Variants in EIF2B5 observed in about 807,000 individuals in gnomAD.
EIF2B5 encodes the protein eukaryotic translation initiation factor 2B subunit epsilon.
Under a neutral mutation model 87.3 loss-of-function variants are expected in EIF2B5, and 38 were observed. The observed-to-expected ratio is 0.44, with a 90% CI of 0.34 to 0.57. The LOEUF (loss-of-function observed/expected upper bound fraction) is 0.57. Among genes scored for constraint, EIF2B5 ranks in the 20% least tolerant of loss-of-function variants. The probability of loss-of-function intolerance (pLI) is 0.02; values close to 1 mark genes in which losing one functional copy is unlikely to be tolerated. For missense variants in EIF2B5, 784 were observed against 909.5 expected (o/e 0.86, Z 1.78); for synonymous variants, 313 against 339.6 (o/e 0.92, Z 0.86).
intron 6 of EIF2B5, 42 bp downstream of exon 6, chr3:184,140,199 G>A (rs1713562307): frequency 6.4e-7 from 1 of 1,571,748 alleles, no homozygotes; most frequent in East Asian, 2.2e-5. Context: ...GAGAGGAGAA[G>A]GCTATGATTG....
chr3:184,141,759 C>A (rs1192901696), intron 7 of EIF2B5, among the ~76,000 whole-genome samples, 166 bp from the exon 8 acceptor site: 1 of 152,042 alleles, frequency 6.6e-6, no homozygotes, highest in Non-Finnish European at 1.5e-5. Context: ...AGTATCTTCT[C>A]AGGCCTGGGC....
At chr3:184,143,257 AC>A in intron 12 of EIF2B5, 115 bp downstream of exon 12, 1 of 1,465,950 alleles carries the variant, frequency 6.8e-7, no homozygotes, top group Non-Finnish European at 9.4e-7. Flanking sequence ...AAATGGAAAG[AC>A]CAGTAGTATT....
chr3:184,135,861 C>A, intron 1 of EIF2B5: 2 of 543,674 alleles, frequency 3.7e-6, no homozygotes, highest in East Asian at 6.4e-5. Flanking sequence ...CGCGGGGATT[C>A]AGTGCCCCTA....
intron 2 of EIF2B5, chr3:184,137,374 G>C: frequency 1.8e-6 from 1 of 561,884 alleles, no homozygotes. Flanking sequence ...TGATGTTTAG[G>C]GACAAGGGGT....
At chr3:184,138,581 C>T (rs939874366) in intron 5 of EIF2B5, among the ~76,000 whole-genome samples, 2 of 152,094 alleles carry the variant, frequency 1.3e-5, no homozygotes, top group Admixed American at 6.5e-5. Flanking sequence ...TCTCGAACTC[C>T]TGGTCTCAAG....
At chr3:184,144,284 C>T in intron 14 of EIF2B5, 60 bp downstream of exon 14, 1 of 1,609,806 alleles carries the variant, frequency 6.2e-7, no homozygotes, top group Non-Finnish European at 8.5e-7. Context: ...GTTGGTGACC[C>T]CCTTGGGAGA....
At chr3:184,141,434 T>C (rs1713629502) in intron 7 of EIF2B5, among the ~76,000 whole-genome samples, 1 of 152,176 alleles carries the variant, frequency 6.6e-6, no homozygotes, top group Non-Finnish European at 1.5e-5. Context: ...CTGGGCATGA[T>C]GGCGCGTGCC....
intron 7 of EIF2B5, chr3:184,141,041 T>C (rs1196306940): frequency 2.5e-6 from 1 of 407,588 alleles, no homozygotes; most frequent in African/African-American, 2.0e-5. Flanking sequence ...AGGGCTTTTA[T>C]ATACATTGTT....
intron 1 of EIF2B5, chr3:184,136,084 G>T (rs1318463845): frequency 4.5e-6 from 1 of 220,648 alleles, no homozygotes; most frequent in African/African-American, 2.3e-5. Flanking sequence ...ATCAGCCCCC[G>T]AGTTGTCTAG....
In EIF2B5 at chr3:184,142,150, C is replaced by G; in HGVS notation, c.1302+80C>G. 1 of 1,613,834 alleles carries G rather than the reference C, an allele frequency of 6.2e-7. No individual in the cohort carries two copies. Among genetic ancestry groups the G allele is most frequent in the East Asian group, 2.2e-5 (1 of 44,884 alleles). On this transcript the variant is annotated intron_variant, in intron 8 of 15. Coordinates refer to ENST00000648915, the MANE Select transcript of EIF2B5 (RefSeq NM_003907.3). This position sits in a 1 kb window ranked among gnomAD's most constrained non-coding sequence, Gnocchi z 5.0. ...AGCCAGAAGGGGCATTATTTCCACC[C>G]ATAATCCTGTCTAAAAAAGTTGCTC...
Position 184,135,413 on chromosome 3 carries a change from G to T in EIF2B5, c.28G>T (p.Gly10Cys). The change falls in exon 1 of 16, where the codon GGT becomes TGT. Residue 10 changes from glycine (G) to cysteine (C), a missense_variant. Around this residue, in one of 3 missense-constraint regions of EIF2B5, gnomAD observed 117 missense variants for 101.0 expected, o/e 1.16. Coordinates refer to ENST00000648915, the MANE Select transcript of EIF2B5 (RefSeq NM_003907.3). ...GGCGGCCCCTGTAGTGGCGCCGCCT[G>T]GTGTGGTGGTTAGTCGGGCTAACAA... MAAPVVAPP[G>C]VVVSRANKRS... 1.3e-6 allele frequency: 2 copies of T among 1,582,066 alleles called. No individual in the cohort carries two copies. The highest frequency in any genetic ancestry group is 1.7e-6 in the Non-Finnish European group (2 of 1,165,652).
intron 5 of EIF2B5, among the ~76,000 whole-genome samples, chr3:184,139,580 CTT>C (rs752302833): frequency 5.0e-5 from 7 of 140,530 alleles, no homozygotes; most frequent in Admixed American, 7.2e-5. Context: ...TGCACCTGGC[CTT>C]TTTTTTTTTT....
At chr3:184,143,880 T>C in intron 13 of EIF2B5, 1 of 765,334 alleles carries the variant, frequency 1.3e-6, no homozygotes, top group East Asian at 2.5e-5. Context: ...GGAATAGGTA[T>C]TTTGAGGCAG....
In EIF2B5 at chr3:184,142,863, C is replaced by T; in HGVS notation, c.1631C>T (p.Ser544Phe). ...GAGGAGCCGGACAGCCGGGGAGGCT[C>T]CCCTCAGATGGATGACATCAAAGGT... The part of the protein sequence containing the change: ...DSEEPDSRGG[S>F]PQMDDIKVFQ... Residue 544 changes from serine (S) to phenylalanine (F), a missense_variant, in exon 11 of 16, where the codon TCC (serine) becomes TTC (phenylalanine). This residue lies in a region of EIF2B5 where 660 missense variants were observed against 789.5 expected (regional missense o/e 0.84). Transcript: ENST00000648915. The surrounding 1 kb of genome is among the most constrained non-coding windows in gnomAD (Gnocchi z 5.0). 1 of 1,613,878 alleles carries T rather than the reference C, an allele frequency of 6.2e-7. No homozygotes were observed. Among genetic ancestry groups the T allele is most frequent in the Non-Finnish European group, 8.5e-7 (1 of 1,179,948 alleles).
At chr3:184,140,205 G>A in intron 6 of EIF2B5, 48 bp downstream of exon 6, 2 of 1,562,906 alleles carry the variant, frequency 1.3e-6, no homozygotes, top group Non-Finnish European at 1.8e-6. Context: ...AGAAGGCTAT[G>A]ATTGTATCTC....
At chr3:184,136,289 G>A (rs1011956661) in intron 1 of EIF2B5, among the ~76,000 whole-genome samples, 1 of 152,220 alleles carries the variant, frequency 6.6e-6, no homozygotes, top group Non-Finnish European at 1.5e-5. Context: ...GGGGAAGAAG[G>A]CCTTAGCAAT....
At chr3:184,144,322 G>A in intron 14 of EIF2B5, 98 bp downstream of exon 14, 1 of 1,570,312 alleles carries the variant, frequency 6.4e-7, no homozygotes. Context: ...TGTGAATCCA[G>A]TATGGACCAT....
At chr3:184,137,550 GA>G in intron 2 of EIF2B5, 69 bp from the exon 3 acceptor site, 2 of 1,542,304 alleles carry the variant, frequency 1.3e-6, no homozygotes, top group Non-Finnish European at 1.8e-6. Context: ...GAAAGGGGGT[GA>G]AAAATGGGGA....
rs1713708540 is a variant in EIF2B5, at chr3:184,142,964, G to A, written c.1654+78G>A. 6.4e-7 allele frequency: 1 copy of A among 1,574,732 alleles called. No homozygotes were observed. Among genetic ancestry groups the A allele is most frequent in the Non-Finnish European group, 8.7e-7 (1 of 1,151,742 alleles). On this transcript the variant is annotated intron_variant, in intron 11 of 15. Transcript: ENST00000648915. This position sits in a 1 kb window ranked among gnomAD's most constrained non-coding sequence, Gnocchi z 5.0. The stretch of plus-strand genomic sequence containing the variant: ...ACTAGCCAGAGGCTTACGTTCCTCA[G>A]AAAGGGTTTGGTATCGAGTCAAGAC...
Sources: gnomAD v4.1 joint callset for allele counts (sites outside exome capture counted in the v4.1 genomes callset) on GRCh38, gnomAD v4.1.1 for gene constraint, gnomAD v4.1.1 regional missense constraint, Gnocchi (gnomAD v3.1) non-coding constraint, MANE v1.5 for transcripts, NCBI Gene and HGNC (gene_info 2026-07-23, HGNC 2026-07-21) for gene names.